The following SAMMSON variants were observed in gnomAD, a reference collection of about 807,000 sequenced individuals.
SAMMSON encodes the protein survival associated mitochondrial melanoma specific oncogenic non-coding RNA.
At chr3:70,413,287 C>T (rs1465064544) in intron 2 of SAMMSON, among the ~76,000 whole-genome samples, 1 of 152,084 alleles carries the variant, frequency 6.6e-6, no homozygotes, top group East Asian at 1.9e-4. Flanking sequence ...AAGCTGAACT[C>T]TCTATTGCCT....
intron 3 of SAMMSON, among the ~76,000 whole-genome samples, chr3:70,041,895 C>T (rs2067107737): frequency 6.6e-6 from 1 of 151,964 alleles, no homozygotes; most frequent in South Asian, 2.1e-4. Flanking sequence ...AAAAATCTTG[C>T]AGTTATAGGA....
intron 4 of SAMMSON, among the ~76,000 whole-genome samples, chr3:70,108,441 T>TTTTTTTTTTTTTTTTTTTTTTTA (rs1553715435): frequency 4.1e-5 from 6 of 146,408 alleles, no homozygotes; most frequent in African/African-American, 1.6e-4. Context: ...TTTTTTTTTT[T>TTTTTTTTTTTTTTTTTTTTTTTA]ATCATAACTC....
intron 8 of SAMMSON, among the ~76,000 whole-genome samples, chr3:70,356,819 C>A (rs1302013385): frequency 6.6e-6 from 1 of 152,044 alleles, no homozygotes; most frequent in African/African-American, 2.4e-5. Flanking sequence ...ACATAGCTAC[C>A]TTTATTGATA....
chr3:70,018,105 A>C (rs2066994601), intron 3 of SAMMSON, among the ~76,000 whole-genome samples: 1 of 152,140 alleles, frequency 6.6e-6, no homozygotes, highest in Non-Finnish European at 1.5e-5. Flanking sequence ...TCATAAAATG[A>C]GTGAGGGAGG....
chr3:70,122,697 A>G (rs1457732275), intron 4 of SAMMSON, among the ~76,000 whole-genome samples: 3 of 152,262 alleles, frequency 2.0e-5, no homozygotes, highest in African/African-American at 7.2e-5. Flanking sequence ...TATTTCAGGC[A>G]TGTATTCCTT....
chr3:70,023,918 A>G (rs1428519350), intron 3 of SAMMSON, among the ~76,000 whole-genome samples: 1 of 152,132 alleles, frequency 6.6e-6, no homozygotes, highest in Non-Finnish European at 1.5e-5. Context: ...TTCTGTTCAT[A>G]TTGAGCTTTC....
intron 7 of SAMMSON, among the ~76,000 whole-genome samples, chr3:70,294,773 G>C (rs1353518429): frequency 6.6e-6 from 1 of 152,048 alleles, no homozygotes; most frequent in Admixed American, 6.6e-5. Context: ...GTCATTTTAG[G>C]TTAGATGTGT....
intron 4 of SAMMSON, among the ~76,000 whole-genome samples, chr3:70,103,238 C>T (rs1424241352): frequency 6.6e-6 from 1 of 152,054 alleles, no homozygotes; most frequent in Admixed American, 6.6e-5. Context: ...CTTGATTTAA[C>T]AAATTAAAAA....
At chr3:70,027,443 A>C (rs921981965) in intron 3 of SAMMSON, among the ~76,000 whole-genome samples, 1 of 152,228 alleles carries the variant, frequency 6.6e-6, no homozygotes, top group Non-Finnish European at 1.5e-5. Context: ...GAAAGCCTTG[A>C]CTGAAATTTA....
intron 4 of SAMMSON, among the ~76,000 whole-genome samples, chr3:70,122,108 T>A (rs1456085173): frequency 2.0e-5 from 3 of 152,216 alleles, no homozygotes; most frequent in Non-Finnish European, 4.4e-5. Flanking sequence ...TAAAAAGTAT[T>A]AGTCATTGAG....
intron 7 of SAMMSON, among the ~76,000 whole-genome samples, chr3:70,311,363 A>G (rs1457239317): frequency 6.6e-6 from 1 of 152,214 alleles, no homozygotes; most frequent in African/African-American, 2.4e-5. Context: ...CATTAGGAGA[A>G]CATATTGATT....
chr3:70,088,978 G>T (rs1037976173), intron 4 of SAMMSON, among the ~76,000 whole-genome samples: 3 of 152,042 alleles, frequency 2.0e-5, no homozygotes, highest in Admixed American at 1.3e-4. Context: ...TTCATTCCAG[G>T]TTTATGCCTC....
intron 6 of SAMMSON, among the ~76,000 whole-genome samples, chr3:70,263,633 T>C (rs1996818): frequency 0.43 from 65,834 of 151,998 alleles, 15,106 homozygotes; most frequent in Non-Finnish European, 0.51. Flanking sequence ...TAGATGGTAT[T>C]CAGCAAAAGA....
intron 9 of SAMMSON, among the ~76,000 whole-genome samples, chr3:70,365,436 A>G (rs989547851): frequency 6.6e-6 from 1 of 151,764 alleles, no homozygotes. Context: ...ATCTGTACCT[A>G]TATTAGACTC....
chr3:70,330,251 AT>A (rs1341206746), intron 7 of SAMMSON, among the ~76,000 whole-genome samples: 5 of 152,008 alleles, frequency 3.3e-5, no homozygotes, highest in African/African-American at 1.2e-4. Context: ...TTAAAGTCAT[AT>A]TTTTAAAATC....
intron 4 of SAMMSON, among the ~76,000 whole-genome samples, chr3:70,086,179 A>G (rs1261626457): frequency 1.3e-5 from 2 of 152,158 alleles, no homozygotes; most frequent in Non-Finnish European, 2.9e-5. Context: ...GTGCTGACAA[A>G]AATCTCTCCT....
intron 7 of SAMMSON, among the ~76,000 whole-genome samples, chr3:70,332,298 G>A (rs1702626734): frequency 6.6e-6 from 1 of 152,156 alleles, no homozygotes; most frequent in African/African-American, 2.4e-5. Context: ...GCTGACTGTT[G>A]CAGGATTAGT....
At chr3:70,400,687 T>C (rs1278623691) in intron 2 of SAMMSON, among the ~76,000 whole-genome samples, 1 of 152,108 alleles carries the variant, frequency 6.6e-6, no homozygotes, top group Non-Finnish European at 1.5e-5. Flanking sequence ...ATCCCAGCAC[T>C]TTGGAGCGTG....
chr3:70,308,555 A>G (rs755473938), intron 7 of SAMMSON, among the ~76,000 whole-genome samples: 2 of 152,170 alleles, frequency 1.3e-5, no homozygotes, highest in Non-Finnish European at 2.9e-5. Flanking sequence ...GAACAGGCCC[A>G]TGACCCATTT....
Sources: gnomAD v4.1 joint callset for allele counts (sites outside exome capture counted in the v4.1 genomes callset) on GRCh38, gnomAD v4.1.1 for gene constraint, MANE v1.5 for transcripts, NCBI Gene and HGNC (gene_info 2026-07-23, HGNC 2026-07-21) for gene names.